CLYBL: variants seen among roughly 807,000 people sequenced by gnomAD.
CLYBL encodes citramalyl-CoA lyase, mitochondrial.
A neutral mutation model predicts 38.9 loss-of-function variants in CLYBL; 31 were observed. The ratio of observed to expected loss-of-function variants is 0.80; its 90% CI spans 0.60 to 1.08. CLYBL has a LOEUF of 1.08. Ranked by LOEUF, CLYBL falls within the 50% of genes least tolerant of loss-of-function variation. CLYBL has a pLI of 0.00. For missense variants in CLYBL, 434 were observed against 411.6 expected (o/e 1.05, Z -0.47); for synonymous variants, 171 against 158.6 (o/e 1.08, Z -0.59).
chr13:99,609,245 C>G (rs1377977616), intron 1 of CLYBL, among the ~76,000 whole-genome samples: 1 of 117,610 alleles, frequency 8.5e-6, no homozygotes, highest in Non-Finnish European at 1.6e-5. Flanking sequence ...GGCGCAATTT[C>G]TGCCCACTGC....
At chr13:99,827,873 A>C (rs1287255495) in intron 2 of CLYBL, among the ~76,000 whole-genome samples, 1 of 152,214 alleles carries the variant, frequency 6.6e-6, no homozygotes, top group Admixed American at 6.5e-5. Context: ...GCAGAGGAGG[A>C]GGGATCTCAC....
chr13:99,863,517 A>G (rs1283225155), intron 4 of CLYBL, among the ~76,000 whole-genome samples: 1 of 152,262 alleles, frequency 6.6e-6, no homozygotes, highest in Non-Finnish European at 1.5e-5. Context: ...CAACATTATC[A>G]GTAATGTCTA....
At chr13:99,618,249 A>G (rs1293901680) in intron 1 of CLYBL, among the ~76,000 whole-genome samples, 1 of 152,040 alleles carries the variant, frequency 6.6e-6, no homozygotes, top group Non-Finnish European at 1.5e-5. Context: ...ATTTTGGTAA[A>G]TTATACATAA....
intron 2 of CLYBL, among the ~76,000 whole-genome samples, chr13:99,790,171 T>C (rs1169151372): frequency 2.6e-5 from 4 of 152,198 alleles, no homozygotes; most frequent in African/African-American, 9.7e-5. Flanking sequence ...TCTGTGTCTT[T>C]TAATTGGAGC....
At chr13:99,695,991 C>T (rs7986124) in intron 1 of CLYBL, among the ~76,000 whole-genome samples, 1 of 152,070 alleles carries the variant, frequency 6.6e-6, no homozygotes, top group Non-Finnish European at 1.5e-5. Flanking sequence ...GTTCTGAGCC[C>T]CAACAGTAAC....
intron 7 of CLYBL, among the ~76,000 whole-genome samples, chr13:99,889,226 T>C (rs1365462175): frequency 6.6e-6 from 1 of 152,224 alleles, no homozygotes; most frequent in African/African-American, 2.4e-5. Flanking sequence ...TGTGCATCTA[T>C]GCTAATTTCG....
chr13:99,661,228 G>A (rs1445695021), intron 1 of CLYBL, among the ~76,000 whole-genome samples: 1 of 151,802 alleles, frequency 6.6e-6, no homozygotes, highest in Non-Finnish European at 1.5e-5. Flanking sequence ...AATCCCTAAA[G>A]CAAAGCAAAG....
intron 2 of CLYBL, among the ~76,000 whole-genome samples, chr13:99,832,750 G>C (rs4620824): frequency 1.3e-5 from 2 of 151,684 alleles, no homozygotes; most frequent in Admixed American, 6.6e-5. Flanking sequence ...TGGTGTCACA[G>C]AGTGGGAGGA....
intron 7 of CLYBL, among the ~76,000 whole-genome samples, chr13:99,887,117 C>A (rs1158460519): frequency 6.6e-6 from 1 of 152,208 alleles, no homozygotes; most frequent in East Asian, 1.9e-4. Flanking sequence ...CCTGGGGGAG[C>A]TAAAACACGG....
rs936619683 is a variant in CLYBL, at chr13:99,884,077, G to A, written c.928-7241G>A. The stretch of plus-strand genomic sequence containing the variant: ...AGTGGTGTGATCACAGCTCACTGCA[G>A]CCTTGACCAGGCTCAAGCGATCTTC... On this transcript the variant is annotated intron_variant, in intron 7 of 8. Coordinates refer to ENST00000339105, the MANE Select transcript of CLYBL (RefSeq NM_206808.5). Among the ~76,000 whole-genome samples, 131 of 152,262 alleles carry A rather than the reference G, an allele frequency of 8.6e-4. 2 individuals are homozygous for A. Among genetic ancestry groups the A allele is most frequent in the African/African-American group, 3.1e-3 (129 of 41,518 alleles).
At chr13:99,700,313 C>T (rs373801377) in intron 1 of CLYBL, among the ~76,000 whole-genome samples, 5 of 151,978 alleles carry the variant, frequency 3.3e-5, no homozygotes, top group African/African-American at 4.8e-5. Flanking sequence ...AGCATGGTGG[C>T]GCGCGCCTAT....
At chr13:99,699,059 A>G (rs532509889) in intron 1 of CLYBL, among the ~76,000 whole-genome samples, 2 of 152,198 alleles carry the variant, frequency 1.3e-5, no homozygotes, top group East Asian at 3.9e-4. Context: ...TTCATCATTA[A>G]CATGGAGGAA....
chr13:99,743,010 G>A (rs1223130317), intron 1 of CLYBL, among the ~76,000 whole-genome samples: 1 of 149,976 alleles, frequency 6.7e-6, no homozygotes, highest in Non-Finnish European at 1.5e-5. Flanking sequence ...GAGGGTAGCG[G>A]GCTTTTTGTT....
chr13:99,784,055 A>G (rs2049724054), intron 2 of CLYBL: 1 of 152,152 alleles, frequency 6.6e-6, no homozygotes, highest in Non-Finnish European at 1.5e-5. Context: ...TTTTATTCAC[A>G]TCAGATCTGT....
intron 7 of CLYBL, among the ~76,000 whole-genome samples, chr13:99,883,411 C>G (rs1451996386): frequency 1.3e-5 from 2 of 151,342 alleles, no homozygotes; most frequent in African/African-American, 4.9e-5. Flanking sequence ...CCCAGCTACT[C>G]AGGAGGCTGA....
intron 4 of CLYBL, among the ~76,000 whole-genome samples, chr13:99,863,830 G>A (rs1343582001): frequency 1.3e-5 from 2 of 151,984 alleles, no homozygotes; most frequent in African/African-American, 4.8e-5. Context: ...CCCCACCCCA[G>A]CCCCCACAGA....
intron 1 of CLYBL, among the ~76,000 whole-genome samples, chr13:99,662,257 T>C (rs914716449): frequency 5.3e-5 from 8 of 152,264 alleles, no homozygotes; most frequent in African/African-American, 1.9e-4. Context: ...CCGTGTGATT[T>C]TGAGTAACTT....
intron 1 of CLYBL, among the ~76,000 whole-genome samples, chr13:99,645,846 C>T (rs1209104451): frequency 6.6e-6 from 1 of 151,970 alleles, no homozygotes; most frequent in Non-Finnish European, 1.5e-5. Context: ...GACATGATTC[C>T]ATTTGTCTAT....
At chr13:99,743,050 CTT>C (rs749218314) in intron 1 of CLYBL, among the ~76,000 whole-genome samples, 3 of 143,364 alleles carry the variant, frequency 2.1e-5, no homozygotes, top group African/African-American at 2.5e-5. Flanking sequence ...TTTTCTTTTT[CTT>C]TTTTTTTTTT....
Sources: allele counts gnomAD v4.1 joint callset (sites outside exome capture counted in the v4.1 genomes callset), GRCh38; gene constraint gnomAD v4.1.1; transcripts MANE v1.5; gene names NCBI Gene and HGNC (gene_info 2026-07-23, HGNC 2026-07-21).